UNC79: variants seen among roughly 807,000 people sequenced by gnomAD.
UNC79 encodes protein unc-79 homolog.
In UNC79, 37 loss-of-function variants were observed where a neutral mutation model predicts 283.1. The ratio of observed to expected loss-of-function variants is 0.13; its 90% CI spans 0.10 to 0.17. The LOEUF (loss-of-function observed/expected upper bound fraction) is 0.17, where lower values mean the gene tolerates loss of function less well. Among genes scored for constraint, UNC79 ranks in the 10% least tolerant of loss-of-function variants. The pLI is 1.00. For synonymous variants in UNC79, 1,107 were observed against 1,200.2 expected (o/e 0.92, Z 1.61); for missense variants, 2,272 against 3,211.1 (o/e 0.71, Z 7.07).
intron 32 of UNC79, among the ~76,000 whole-genome samples, chr14:93,640,827 C>G (rs1003578865): frequency 2.0e-5 from 3 of 152,120 alleles, no homozygotes; most frequent in Non-Finnish European, 4.4e-5. Flanking sequence ...TTTAAGGGTA[C>G]CCTTGAATAG....
In UNC79 at chr14:93,367,329, G is replaced by C. The variant is rs141602932; in HGVS notation, c.-351+33806G>C. Among the ~76,000 whole-genome samples the C allele has an allele frequency of 5.7e-3, 871 of 152,334 alleles. 3 individuals carry two copies. Among genetic ancestry groups the C allele is most frequent in the Non-Finnish European group, 9.8e-3 (667 of 68,042 alleles). On this transcript the variant is annotated intron_variant, in intron 1 of 49. Coordinates refer to the UNC79 transcript ENST00000256339. Reference sequence around the variant, plus strand: ...TTAAGTCAAACAATTTAATAATCCAGAACTGAACCCTCAGATGGTAGAACA... The same window carrying C: ...TTAAGTCAAACAATTTAATAATCCACAACTGAACCCTCAGATGGTAGAACA...
At chr14:93,707,611 T>C (rs2075946531), downstream of UNC79, 1 of 152,270 alleles carries the variant, frequency 6.6e-6, no homozygotes, top group Non-Finnish European at 1.5e-5. Context: ...TTAATACTTG[T>C]ATACAATTTA....
At chr14:93,497,160 C>A in exon 7 of UNC79, 1 of 1,609,380 alleles carries the variant, frequency 6.2e-7, no homozygotes, top group Non-Finnish European at 8.5e-7. Context: ...CCTTTAGGAT[C>A]TTTTGTATGT....
At chr14:93,468,122 A>G (rs1272615499) in intron 2 of UNC79, among the ~76,000 whole-genome samples, 1 of 152,174 alleles carries the variant, frequency 6.6e-6, no homozygotes, top group Non-Finnish European at 1.5e-5. Context: ...ATAATTGGAA[A>G]CACTTTTGGT....
intron 14 of UNC79, among the ~76,000 whole-genome samples, chr14:93,568,217 G>A (rs2063010087): frequency 6.6e-6 from 1 of 152,156 alleles, no homozygotes; most frequent in Non-Finnish European, 1.5e-5. Context: ...TATGGTGTCA[G>A]TGAGGTAGCA....
rs1289149618 is a variant in UNC79, at chr14:93,615,748, AAAG to A, written c.4042-1368_4042-1366del. Among the ~76,000 whole-genome samples, 162 of 144,054 alleles carry A rather than the reference AAAG, an allele frequency of 1.1e-3. 1 individual carries two copies. The highest frequency in any genetic ancestry group is 4.0e-3 in the African/African-American group (146 of 36,444). 94.5% of individuals were successfully genotyped at this position (144,054 alleles called of 152,430 possible). ...AAAAAAAAAAAAAAAAAAAAAAAGA[AAAG>A]AAGAAAAGAAGAAAAGAAAAAAAGA... On this transcript the variant is annotated intron_variant, in intron 27 of 48. Coordinates refer to ENST00000555664, the Ensembl canonical transcript of UNC79.
At chr14:93,676,625 C>T (rs959147164) in intron 41 of UNC79, among the ~76,000 whole-genome samples, 1 of 152,182 alleles carries the variant, frequency 6.6e-6, no homozygotes, top group Non-Finnish European at 1.5e-5. Context: ...ATCTGTGTGG[C>T]TGATCTTCTT....
At chr14:93,373,574 A>G (rs2054498243) in intron 1 of UNC79, among the ~76,000 whole-genome samples, 1 of 152,232 alleles carries the variant, frequency 6.6e-6, no homozygotes, top group African/African-American at 2.4e-5. Flanking sequence ...GATAATCTGA[A>G]TAGGCTGATA....
At chr14:93,472,086 T>C (rs2057541267) in intron 2 of UNC79, among the ~76,000 whole-genome samples, 1 of 152,174 alleles carries the variant, frequency 6.6e-6, no homozygotes, top group Non-Finnish European at 1.5e-5. Context: ...GTTGTTCTCC[T>C]TATACCACTT....
intron 1 of UNC79, among the ~76,000 whole-genome samples, chr14:93,373,758 G>A (rs1255598667): frequency 6.6e-6 from 1 of 152,082 alleles, no homozygotes; most frequent in Non-Finnish European, 1.5e-5. Flanking sequence ...CATTCTGCAA[G>A]GCCAGCATTA....
At chr14:93,475,432 G>A (rs992172997) in intron 3 of UNC79, among the ~76,000 whole-genome samples, 5 of 152,100 alleles carry the variant, frequency 3.3e-5, no homozygotes, top group South Asian at 2.1e-4. Flanking sequence ...AAAAATCTAC[G>A]GAGATAAAAA....
intron 1 of UNC79, among the ~76,000 whole-genome samples, chr14:93,415,617 C>G (rs1303627960): frequency 2.6e-5 from 4 of 151,984 alleles, no homozygotes; most frequent in East Asian, 1.9e-4. Flanking sequence ...CCTTGTACCT[C>G]TGGTAGAATT....
chr14:93,701,593 AAAAT>A (rs967622726), intron 47 of UNC79, among the ~76,000 whole-genome samples: 1 of 152,270 alleles, frequency 6.6e-6, no homozygotes, highest in African/African-American at 2.4e-5. Context: ...TGCAGAGCCC[AAAAT>A]AAATCACATC....
At chr14:93,622,676 C>T (rs765027394) in exon 30 of UNC79, 14 of 1,613,976 alleles carry the variant, frequency 8.7e-6, no homozygotes, top group African/African-American at 1.3e-5. Flanking sequence ...AGAACAGAAT[C>T]CTGAAAGGAA....
At chr14:93,557,478 G>A (rs369315326) in intron 14 of UNC79, among the ~76,000 whole-genome samples, 5 of 152,094 alleles carry the variant, frequency 3.3e-5, no homozygotes, top group African/African-American at 9.7e-5. Flanking sequence ...CTTAATGAAG[G>A]TTATGATTTA....
intron 1 of UNC79, among the ~76,000 whole-genome samples, chr14:93,342,401 C>G (rs996954094): frequency 2.6e-5 from 4 of 152,214 alleles, no homozygotes; most frequent in Non-Finnish European, 5.9e-5. Flanking sequence ...TGTCTTGAGG[C>G]TGCACAGAGA....
At chr14:93,352,157 CTT>C (rs1430668807) in intron 1 of UNC79, among the ~76,000 whole-genome samples, 1 of 152,196 alleles carries the variant, frequency 6.6e-6, no homozygotes, top group Admixed American at 6.5e-5. Flanking sequence ...TAAGATCTAT[CTT>C]CGCTGTTCAC....
intron 1 of UNC79, among the ~76,000 whole-genome samples, chr14:93,412,585 G>T (rs2055357065): frequency 6.6e-6 from 1 of 152,088 alleles, no homozygotes. Context: ...AATACTGACT[G>T]TTGGGAGTTT....
intron 1 of UNC79, among the ~76,000 whole-genome samples, chr14:93,350,826 A>T (rs535288540): frequency 6.6e-6 from 1 of 151,994 alleles, no homozygotes; most frequent in South Asian, 2.1e-4. Flanking sequence ...CACACCTGAA[A>T]TTTTTTGCCT....
Sources: allele counts gnomAD v4.1 joint callset (sites outside exome capture counted in the v4.1 genomes callset), GRCh38; gene constraint gnomAD v4.1.1; transcripts MANE v1.5; gene names NCBI Gene and HGNC (gene_info 2026-07-23, HGNC 2026-07-21).